Variants in TENM2 observed in about 807,000 individuals in gnomAD.
The protein encoded by TENM2 is teneurin transmembrane protein 2.
In TENM2, 52 loss-of-function variants were observed where a neutral mutation model predicts 245.2. The observed-to-expected ratio is 0.21, with a 90% CI of 0.17 to 0.27. TENM2 has a LOEUF of 0.27. Ranked by LOEUF, TENM2 falls within the 10% of genes least tolerant of loss-of-function variation. The probability of loss-of-function intolerance (pLI) is 1.00; values close to 1 mark genes in which losing one functional copy is unlikely to be tolerated. For missense variants in TENM2, 3,046 were observed against 3,666.8 expected (o/e 0.83, Z 4.37); for synonymous variants, 1,363 against 1,438.9 (o/e 0.95, Z 1.19).
intron 3 of TENM2, among the ~76,000 whole-genome samples, chr5:167,922,622 G>A (rs1777456571): frequency 6.6e-6 from 1 of 152,168 alleles, no homozygotes. Context: ...TTACAGGTGA[G>A]CAGAAATCAG....
At chr5:167,910,019 A>G (rs977421989) in intron 3 of TENM2, among the ~76,000 whole-genome samples, 1 of 151,598 alleles carries the variant, frequency 6.6e-6, no homozygotes. Context: ...ATACTGACCT[A>G]TGACTTGTCT....
Position 167,474,871 on chromosome 5 carries a change from C to A in TENM2, c.502+99398C>A, listed in dbSNP as rs563909873. Among the ~76,000 whole-genome samples, 63 of 152,224 alleles carry A rather than the reference C, an allele frequency of 4.1e-4. No individual in the cohort carries two copies. In the Middle Eastern group the frequency reaches 0.01, roughly 25 times the overall value. ...ATGCTTATTTGAAAGATGTATAAATCCAGGACAAAGAACAAAATCTGGACT... is the reference window on the plus strand; with the variant it reads ...ATGCTTATTTGAAAGATGTATAAATACAGGACAAAGAACAAAATCTGGACT... On this transcript the variant is annotated intron_variant, in intron 2 of 28. Coordinates refer to ENST00000518659, the Ensembl canonical transcript of TENM2.
chr5:167,821,330 G>C (rs1767508946), intron 2 of TENM2: 1 of 152,168 alleles, frequency 6.6e-6, no homozygotes, highest in African/African-American at 2.4e-5. Flanking sequence ...AAACTAGCTG[G>C]GAGAGGGTTC....
intron 2 of TENM2, chr5:167,721,349 C>T (rs916447427): frequency 6.6e-5 from 10 of 151,858 alleles, no homozygotes; most frequent in Non-Finnish European, 1.5e-4. Flanking sequence ...GCTGTCATAA[C>T]AGATTACCAC....
At chr5:167,801,107 AAAATATATATATATATATATAT>A (rs1481698882) in intron 2 of TENM2, among the ~76,000 whole-genome samples, 2 of 63,752 alleles carry the variant, frequency 3.1e-5, no homozygotes, top group African/African-American at 7.0e-5. Flanking sequence ...AAAAAAAAAA[AAAATATATATATATATATATAT>A]ATATATATAT....
chr5:167,373,560 G>T (rs1316462999), intron 1 of TENM2, among the ~76,000 whole-genome samples: 1 of 152,164 alleles, frequency 6.6e-6, no homozygotes, highest in Non-Finnish European at 1.5e-5. Flanking sequence ...TCAGTAAGTA[G>T]AGTGGACCAC....
chr5:167,826,019 G>C (rs1164076451), intron 2 of TENM2, among the ~76,000 whole-genome samples: 1 of 152,022 alleles, frequency 6.6e-6, no homozygotes, highest in African/African-American at 2.4e-5. Context: ...AACACGTCGT[G>C]TACCTGTACC....
intron 2 of TENM2, among the ~76,000 whole-genome samples, chr5:167,491,074 G>A (rs568067566): frequency 1.3e-5 from 2 of 152,284 alleles, no homozygotes; most frequent in East Asian, 3.9e-4. Flanking sequence ...CTTTTCCAGA[G>A]GCAAGTGTCC....
intron 1 of TENM2, among the ~76,000 whole-genome samples, chr5:167,340,970 G>A (rs1581785315): frequency 6.6e-6 from 1 of 152,124 alleles, no homozygotes; most frequent in Non-Finnish European, 1.5e-5. Context: ...CGGCTGTCAT[G>A]CTTTCTCTCT....
chr5:168,188,862 C>G (rs1404446305), intron 13 of TENM2, among the ~76,000 whole-genome samples: 1 of 152,196 alleles, frequency 6.6e-6, no homozygotes, highest in Admixed American at 6.5e-5. Flanking sequence ...TTGAGAACCT[C>G]TGATTCAGGG....
chr5:167,635,929 T>C (rs116569700), intron 2 of TENM2, among the ~76,000 whole-genome samples: 5,748 of 143,904 alleles, frequency 0.04, 2 homozygotes, highest in South Asian at 0.063. Context: ...CAGGCGTGAG[T>C]CACAGCGCCC....
chr5:168,224,639 C>T (rs758121270), intron 23 of TENM2, among the ~76,000 whole-genome samples: 18 of 152,176 alleles, frequency 1.2e-4, no homozygotes, highest in African/African-American at 3.9e-4. Context: ...TCTGAGGACC[C>T]CCCATCCCCA....
chr5:167,692,781 G>A (rs1757515919), intron 2 of TENM2, among the ~76,000 whole-genome samples: 1 of 152,196 alleles, frequency 6.6e-6, no homozygotes, highest in South Asian at 2.1e-4. Context: ...GAACTGTTGA[G>A]AGGTTGCCCA....
chr5:168,217,851 G>A (rs1763336465), intron 22 of TENM2, among the ~76,000 whole-genome samples: 1 of 152,186 alleles, frequency 6.6e-6, no homozygotes, highest in Admixed American at 6.5e-5. Context: ...CCAGCCATCT[G>A]GAGCTGAGAA....
At chr5:168,055,898 T>C (rs904497251) in intron 6 of TENM2, among the ~76,000 whole-genome samples, 4 of 152,338 alleles carry the variant, frequency 2.6e-5, no homozygotes, top group African/African-American at 9.6e-5. Context: ...CTAGCTCCAC[T>C]GGGCAACATT....
At chr5:167,681,551 A>C (rs1029823208) in intron 2 of TENM2, among the ~76,000 whole-genome samples, 2 of 152,156 alleles carry the variant, frequency 1.3e-5, no homozygotes, top group African/African-American at 4.8e-5. Context: ...GGATATATGC[A>C]TATTAAGAGT....
rs70976465 is a variant in TENM2 at position 168,154,147 on chromosome 5, T to TAAAAAAAAAAAAAAAAAAAAAAAAAAA, written c.2423-8445_2423-8444insAAAAAAAAAAAAAAAAAAAAAAAAAAA. Among the ~76,000 whole-genome samples, 19 of 85,046 alleles carry TAAAAAAAAAAAAAAAAAAAAAAAAAAA rather than the reference T, an allele frequency of 2.2e-4. 1 individual carries two copies. Among genetic ancestry groups the TAAAAAAAAAAAAAAAAAAAAAAAAAAA allele is most frequent in the East Asian group, 7.6e-4 (2 of 2,634 alleles). 55.8% of individuals were successfully genotyped at this position (85,046 alleles called of 152,430 possible). A position where few individuals can be genotyped will look rare whatever the true frequency, so the allele number is the denominator to read the frequency against. The stretch of plus-strand genomic sequence containing the variant: ...CATTTCCTCACATGATCACCTACTT[T>TAAAAAAAAAAAAAAAAAAAAAAAAAAA]AAAAAAAAAAAAAAAAAAACAGTAA... On this transcript the variant is annotated intron_variant, in intron 12 of 28. Coordinates refer to ENST00000518659, the Ensembl canonical transcript of TENM2.
chr5:167,197,587 G>A, the TENM2 span, among the ~76,000 whole-genome samples: 25 of 151,898 alleles, frequency 1.6e-4, no homozygotes, highest in African/African-American at 4.3e-4. Flanking sequence ...CTACCCAGCC[G>A]GTACAGAACA....
chr5:167,764,887 C>CAAAT (rs1037948257), intron 2 of TENM2, among the ~76,000 whole-genome samples: 15 of 152,246 alleles, frequency 9.9e-5, no homozygotes, highest in African/African-American at 3.6e-4. Flanking sequence ...GCTACCTGAG[C>CAAAT]AAATGTTCCA....
Sources: allele counts gnomAD v4.1 joint callset (sites outside exome capture counted in the v4.1 genomes callset), GRCh38; gene constraint gnomAD v4.1.1; transcripts MANE v1.5; gene names NCBI Gene and HGNC (gene_info 2026-07-23, HGNC 2026-07-21).